PCDH15: variants seen among roughly 807,000 people sequenced by gnomAD.
PCDH15 encodes the protein protocadherin-15.
A neutral mutation model predicts 178.5 loss-of-function variants in PCDH15; 129 were observed. That is an observed-to-expected ratio of 0.72 (90% CI 0.63 to 0.84). The LOEUF is 0.84. Ranked by LOEUF, PCDH15 falls within the 40% of genes least tolerant of loss-of-function variation. The probability of loss-of-function intolerance (pLI) is 0.00; values close to 1 mark genes in which losing one functional copy is unlikely to be tolerated. For synonymous variants in PCDH15, 800 were observed against 732.0 expected, an observed-to-expected ratio of 1.09 and a Z score of -1.50; for missense variants, 2,230 against 2,099.9, an observed-to-expected ratio of 1.06 and a Z score of -1.21.
intron 2 of PCDH15, among the ~76,000 whole-genome samples, chr10:55,622,264 C>T (rs1215922114): frequency 6.7e-6 from 1 of 149,068 alleles, no homozygotes; most frequent in East Asian, 2.0e-4. Flanking sequence ...CAGCCTAGGC[C>T]TCCCAAAGTG....
At position 54,880,875 on chromosome 10, in the gene PCDH15, A is replaced by G. The variant is rs978078600; in HGVS notation, c.-29+16575T>C. ...GGATTTTTTAAAACTTGTATATGTA[A>G]CATTTGATTGACTTCCTGTTGATGC... On this transcript the variant is annotated intron_variant, in intron 3 of 5. Transcript: ENST00000458638. Among the ~76,000 whole-genome samples, 3 of 151,502 alleles carry G rather than the reference A, an allele frequency of 2.0e-5. No homozygotes were observed. The Admixed American group carries it at 2.0e-4, about 10-fold the overall frequency.
chr10:54,356,133 G>C (rs1589001827), intron 5 of PCDH15, among the ~76,000 whole-genome samples: 1 of 151,942 alleles, frequency 6.6e-6, no homozygotes, highest in East Asian at 1.9e-4. Flanking sequence ...ACACTGTTTT[G>C]TCAAAGTGAT....
intron 4 of PCDH15, among the ~76,000 whole-genome samples, chr10:54,374,839 G>T (rs190499061): frequency 1.3e-5 from 2 of 151,884 alleles, no homozygotes; most frequent in Non-Finnish European, 2.9e-5. Context: ...ATATCTGAGC[G>T]TTGGGTATTT....
At chr10:54,303,305 A>G (rs780479316) in intron 8 of PCDH15, among the ~76,000 whole-genome samples, 1 of 152,064 alleles carries the variant, frequency 6.6e-6, no homozygotes, top group Non-Finnish European at 1.5e-5. Context: ...GACCAAAAAT[A>G]TTGCAAAAAA....
chr10:54,873,013 C>G (rs1954067616), intron 3 of PCDH15, among the ~76,000 whole-genome samples: 1 of 141,336 alleles, frequency 7.1e-6, no homozygotes, highest in Non-Finnish European at 1.6e-5. Context: ...ACCAACCATC[C>G]AGGAAAAAAA....
intron 2 of PCDH15, among the ~76,000 whole-genome samples, chr10:54,658,392 A>G (rs115905429): frequency 0.024 from 3,727 of 152,240 alleles, 158 homozygotes; most frequent in African/African-American, 0.083. Context: ...GTATCAAACT[A>G]TCTATAAAAT....
intron 2 of PCDH15, among the ~76,000 whole-genome samples, chr10:54,585,169 G>T (rs1463147223): frequency 1.5e-5 from 1 of 66,298 alleles, no homozygotes; most frequent in Admixed American, 1.6e-4. Context: ...GAAGTTGGCT[G>T]CCCTAAAGGT....
chr10:55,137,695 G>A (rs1447654831), intron 2 of PCDH15, among the ~76,000 whole-genome samples: 1 of 151,914 alleles, frequency 6.6e-6, no homozygotes, highest in African/African-American at 2.4e-5. Flanking sequence ...TACTTACTGA[G>A]GAAATAGCAA....
chr10:55,146,931 G>C (rs1838529481), intron 2 of PCDH15, among the ~76,000 whole-genome samples: 1 of 151,278 alleles, frequency 6.6e-6, no homozygotes, highest in African/African-American at 2.4e-5. Flanking sequence ...TATGTGGCGG[G>C]GTGGGGGGAA....
At chr10:54,092,002 G>C (rs1314833166) in intron 15 of PCDH15, among the ~76,000 whole-genome samples, 1 of 151,924 alleles carries the variant, frequency 6.6e-6, no homozygotes, top group African/African-American at 2.4e-5. Flanking sequence ...ATAATAATAA[G>C]CCTCCCCAAT....
intron 2 of PCDH15, among the ~76,000 whole-genome samples, chr10:55,047,224 A>G (rs1370804243): frequency 6.6e-6 from 1 of 151,930 alleles, no homozygotes; most frequent in Non-Finnish European, 1.5e-5. Flanking sequence ...TTCTTGGTAC[A>G]TAGCAAAGAT....
chr10:54,462,826 G>A (rs1312027370), intron 3 of PCDH15, among the ~76,000 whole-genome samples: 3 of 150,368 alleles, frequency 2.0e-5, no homozygotes, highest in Non-Finnish European at 4.4e-5. Flanking sequence ...CACCTCGCCT[G>A]GACTATTTGT....
chr10:55,069,008 G>A (rs1474728581), intron 2 of PCDH15, among the ~76,000 whole-genome samples: 1 of 151,206 alleles, frequency 6.6e-6, no homozygotes, highest in Non-Finnish European at 1.5e-5. Context: ...AGCGATTCTT[G>A]TGCCTCACCC....
chr10:54,912,595 G>A (rs777667449), intron 2 of PCDH15, among the ~76,000 whole-genome samples: 1 of 152,152 alleles, frequency 6.6e-6, no homozygotes, highest in African/African-American at 2.4e-5. Context: ...AAATTATCCA[G>A]TGGGGACTCA....
At chr10:54,266,170 C>A (rs911313005) in intron 8 of PCDH15, among the ~76,000 whole-genome samples, 1 of 151,778 alleles carries the variant, frequency 6.6e-6, no homozygotes, top group Admixed American at 6.6e-5. Context: ...CACATACACA[C>A]ACACACAGAA....
At chr10:55,314,190 T>C (rs115452950) in intron 1 of PCDH15, among the ~76,000 whole-genome samples, 12,028 of 133,430 alleles carry the variant, frequency 0.09, 1,065 homozygotes, top group African/African-American at 0.27. Flanking sequence ...ACATTATATA[T>C]GTTTGTGTGT....
intron 3 of PCDH15, among the ~76,000 whole-genome samples, chr10:54,416,987 T>C (rs1954516342): frequency 1.3e-5 from 2 of 152,156 alleles, no homozygotes; most frequent in Admixed American, 1.3e-4. Context: ...TCTTGTAAAT[T>C]TGTTTAAGCT....
intron 26 of PCDH15, among the ~76,000 whole-genome samples, chr10:53,900,447 G>C (rs2082264063): frequency 6.6e-6 from 1 of 152,100 alleles, no homozygotes; most frequent in Non-Finnish European, 1.5e-5. Flanking sequence ...ATCTGAAGAA[G>C]TCCATGCATT....
chr10:54,055,292 A>G (rs2093861599), intron 18 of PCDH15, among the ~76,000 whole-genome samples: 1 of 152,200 alleles, frequency 6.6e-6, no homozygotes, highest in Admixed American at 6.5e-5. Context: ...CTTATTTAGA[A>G]CTGGAAGAAC....
Sources: allele counts gnomAD v4.1 joint callset (sites outside exome capture counted in the v4.1 genomes callset), GRCh38; gene constraint gnomAD v4.1.1; transcripts MANE v1.5; gene names NCBI Gene and HGNC (gene_info 2026-07-23, HGNC 2026-07-21).